PCDH15: variants seen among roughly 807,000 people sequenced by gnomAD.
PCDH15 encodes protocadherin related 15, also known as protocadherin-15.
A neutral mutation model predicts 178.5 loss-of-function variants in PCDH15; 129 were observed. That is an observed-to-expected ratio of 0.72 (90% confidence interval 0.63 to 0.84). The LOEUF is 0.84. Ranked by LOEUF, PCDH15 falls within the 40% of genes least tolerant of loss-of-function variation. PCDH15 has a pLI of 0.00. For missense variants in PCDH15, 2,230 were observed against 2,099.9 expected (o/e 1.06, Z -1.21); for synonymous variants, 800 against 732.0 (o/e 1.09, Z -1.50).
intron 30 of PCDH15, among the ~76,000 whole-genome samples, chr10:53,830,171 G>A (rs568115967): frequency 7.9e-5 from 12 of 151,962 alleles, no homozygotes; most frequent in South Asian, 4.2e-4. Flanking sequence ...GTGTGGTGGC[G>A]CATGCCTGTA....
At chr10:55,450,764 G>A (rs1324693997) in intron 2 of PCDH15, among the ~76,000 whole-genome samples, 1 of 151,686 alleles carries the variant, frequency 6.6e-6, no homozygotes, top group African/African-American at 2.4e-5. Context: ...TTTTTGTCTT[G>A]TGTGAGCTCA....
chr10:54,535,886 A>G (rs560345603), intron 2 of PCDH15, among the ~76,000 whole-genome samples: 15 of 152,328 alleles, frequency 9.8e-5, no homozygotes, highest in African/African-American at 2.4e-4. Context: ...TTATGTAAAT[A>G]CATTGTCAAA....
At chr10:54,256,927 A>G (rs1241832176) in intron 8 of PCDH15, among the ~76,000 whole-genome samples, 1 of 152,122 alleles carries the variant, frequency 6.6e-6, no homozygotes, top group Non-Finnish European at 1.5e-5. Context: ...ACTGAAATGT[A>G]AGCTCCCTGA....
chr10:53,941,408 G>A (rs950762009), intron 23 of PCDH15, among the ~76,000 whole-genome samples: 5 of 152,176 alleles, frequency 3.3e-5, no homozygotes, highest in African/African-American at 9.6e-5. Context: ...ATGTTGTATA[G>A]CTGGAATCAC....
intron 1 of PCDH15, among the ~76,000 whole-genome samples, chr10:54,716,232 T>C (rs1023510241): frequency 1.3e-5 from 2 of 152,070 alleles, no homozygotes; most frequent in African/African-American, 2.4e-5. Context: ...GATCAACCCA[T>C]GGTCTGAGGC....
chr10:55,426,137 T>C (rs896731424), intron 2 of PCDH15, among the ~76,000 whole-genome samples: 1 of 152,184 alleles, frequency 6.6e-6, no homozygotes, highest in Non-Finnish European at 1.5e-5. Context: ...TCAAAAGCTA[T>C]AATTAAATGC....
At chr10:53,896,774 C>A (rs2081981000) in intron 26 of PCDH15, among the ~76,000 whole-genome samples, 1 of 152,046 alleles carries the variant, frequency 6.6e-6, no homozygotes, top group Admixed American at 6.6e-5. Flanking sequence ...CCTATCGTGA[C>A]CTGCGCATGA....
chr10:55,550,774 C>A (rs780377894), intron 2 of PCDH15, among the ~76,000 whole-genome samples: 1 of 152,028 alleles, frequency 6.6e-6, no homozygotes, highest in Non-Finnish European at 1.5e-5. Context: ...AAATGTTACC[C>A]ATAACTCCTT....
At chr10:54,977,696 C>T (rs1839109481) in intron 2 of PCDH15, among the ~76,000 whole-genome samples, 1 of 152,104 alleles carries the variant, frequency 6.6e-6, no homozygotes. Flanking sequence ...TTCCAATAAA[C>T]TCGCTTTCAC....
At chr10:53,959,044 T>C (rs2384344) in intron 23 of PCDH15, among the ~76,000 whole-genome samples, 1,512 of 147,928 alleles carry the variant, frequency 0.01, 25 homozygotes, top group African/African-American at 0.035. Context: ...CAATTTATGG[T>C]ATTTTGTTAT....
chr10:54,833,170 G>A (rs1953254501), intron 3 of PCDH15, among the ~76,000 whole-genome samples: 1 of 152,070 alleles, frequency 6.6e-6, no homozygotes, highest in Non-Finnish European at 1.5e-5. Context: ...TGTTACTGAT[G>A]AGAAATAGAC....
intron 8 of PCDH15, among the ~76,000 whole-genome samples, chr10:54,266,150 CACACACACACACAT>C (rs1554868252): frequency 2.6e-5 from 4 of 151,530 alleles, no homozygotes; most frequent in East Asian, 3.9e-4. Context: ...GACACAAACA[CACACACACACACAT>C]ACACACACAC....
chr10:55,070,735 G>A (rs1000102169), intron 2 of PCDH15, among the ~76,000 whole-genome samples: 1 of 152,052 alleles, frequency 6.6e-6, no homozygotes, highest in African/African-American at 2.4e-5. Flanking sequence ...TGTTCTTTTG[G>A]CTTAGGATTG....
intron 2 of PCDH15, among the ~76,000 whole-genome samples, chr10:55,125,144 T>C (rs1554833070): frequency 6.9e-6 from 1 of 144,282 alleles, no homozygotes; most frequent in Non-Finnish European, 1.5e-5. Flanking sequence ...ATTAGGATAC[T>C]TTTTGAATTT....
At chr10:54,994,732 A>T (rs1839593018) in intron 2 of PCDH15, among the ~76,000 whole-genome samples, 1 of 152,176 alleles carries the variant, frequency 6.6e-6, no homozygotes, top group Admixed American at 6.5e-5. Flanking sequence ...CTTCATATAC[A>T]ATAGCCATTT....
intron 3 of PCDH15, among the ~76,000 whole-genome samples, chr10:54,841,054 A>G (rs1419085568): frequency 6.6e-6 from 1 of 151,832 alleles, no homozygotes; most frequent in Non-Finnish European, 1.5e-5. Context: ...GACTTTAATA[A>G]TACTACCAAA....
intron 18 of PCDH15, among the ~76,000 whole-genome samples, chr10:54,031,314 C>T (rs1468877985): frequency 2.0e-5 from 3 of 152,042 alleles, no homozygotes; most frequent in Non-Finnish European, 4.4e-5. Context: ...TCTACTTCAT[C>T]TGGGAAACCT....
chr10:55,100,280 T>C (rs1447488639), intron 2 of PCDH15, among the ~76,000 whole-genome samples: 1 of 152,156 alleles, frequency 6.6e-6, no homozygotes, highest in Admixed American at 6.6e-5. Context: ...TTTAATATAA[T>C]TAAATTGAAA....
At chr10:54,424,450 G>A (rs1440484149) in intron 3 of PCDH15, among the ~76,000 whole-genome samples, 1 of 151,860 alleles carries the variant, frequency 6.6e-6, no homozygotes, top group Non-Finnish European at 1.5e-5. Context: ...AGACAGTGTG[G>A]CCATTCCTCA....
Sources: allele counts gnomAD v4.1 joint callset (sites outside exome capture counted in the v4.1 genomes callset), GRCh38; gene constraint gnomAD v4.1.1; transcripts MANE v1.5; gene names NCBI Gene and HGNC (gene_info 2026-07-23, HGNC 2026-07-21).